The following CLCN7 variants were observed in gnomAD, a reference collection of about 807,000 sequenced individuals.
CLCN7 encodes Cl-/H+ antiporter 7.
CLCN7 carries 60 observed loss-of-function variants against 102.1 expected under a neutral mutation model. The observed-to-expected ratio is 0.59, with a 90% CI of 0.48 to 0.73. The LOEUF is 0.73. CLCN7 is among the 30% of genes least tolerant of loss of function. The pLI is 0.00. For missense variants in CLCN7, 962 were observed against 1,125.7 expected, an observed-to-expected ratio of 0.85 and a Z score of 2.08; for synonymous variants, 560 against 490.5, an observed-to-expected ratio of 1.14 and a Z score of -1.87.
chr16:1,468,256 T>C (rs1399847122), intron 1 of CLCN7, among the ~76,000 whole-genome samples: 1 of 152,062 alleles, frequency 6.6e-6, no homozygotes, highest in Non-Finnish European at 1.5e-5. Flanking sequence ...GCCGGTGCAG[T>C]ATGTGACCAG....
At chr16:1,447,366 C>A in intron 23 of CLCN7, 26 bp downstream of exon 23, 3 of 1,537,812 alleles carry the variant, frequency 2.0e-6, no homozygotes, top group Non-Finnish European at 2.6e-6. Flanking sequence ...CCAGGCCCCA[C>A]GCCCATGCCC....
At chr16:1,474,765 C>T in intron 1 of CLCN7, 69 bp downstream of exon 1, 1 of 1,202,402 alleles carries the variant, frequency 8.3e-7, no homozygotes, top group South Asian at 3.1e-5. Flanking sequence ...CGCCAGAAGG[C>T]TCACGAGGGC....
In CLCN7 at chr16:1,474,793, C is replaced by A. The variant is rs1027392652; in HGVS notation, c.141+41G>T. ...ACGAGGGCGCGGGCTGCGGGGCGCA[C>A]GAGGGCTCAGTTTCCCCGCCTGCGC... On this transcript the variant is annotated intron_variant, in intron 1 of 24. Coordinates refer to ENST00000382745, the MANE Select transcript of CLCN7 (RefSeq NM_001287.6). 13 of 1,278,072 alleles carry A rather than the reference C, an allele frequency of 1.0e-5. No homozygotes were observed. The African/African-American group carries it at 1.4e-4, about 14-fold the overall frequency. 79.2% of individuals were successfully genotyped at this position (1,278,072 alleles called of 1,614,324 possible).
intron 11 of CLCN7, 78 bp from the exon 12 acceptor site, chr16:1,455,328 G>A (rs772282528): frequency 1.6e-5 from 15 of 951,776 alleles, no homozygotes; most frequent in African/African-American, 3.2e-5. Context: ...AGGGACCATC[G>A]CCCCTCCTGT....
Position 1,451,625 on chromosome 16 carries a change from G to T in CLCN7, c.1445C>A (p.Pro482Gln). Residue 482 changes from proline to glutamine, a missense_variant and splice_region_variant, in exon 16 of 25, where the codon CCA (proline) becomes CAA (glutamine). This residue lies in a region of CLCN7 where 799 missense variants were observed against 988.0 expected (regional missense o/e 0.81). Transcript: ENST00000382745. The stretch of plus-strand genomic sequence containing the variant: ...CCAGCGGCACTGCCCACACACACCT[G>T]GCGGGTCGTGGAAGAGGCTCACCAC... ...KSVVSLFHDP[P>Q]GSYNPLTLGL... 6.2e-7 allele frequency: 1 copy of T among 1,611,320 alleles called. No homozygotes were observed. Among genetic ancestry groups the T allele is most frequent in the Non-Finnish European group, 8.5e-7 (1 of 1,179,748 alleles).
At chr16:1,460,157 G>C (rs1242251532) in intron 6 of CLCN7, among the ~76,000 whole-genome samples, 1 of 151,990 alleles carries the variant, frequency 6.6e-6, no homozygotes, top group East Asian at 1.9e-4. Flanking sequence ...TGAGGAGATG[G>C]AAGGAGGGGC....
In CLCN7 at chr16:1,468,047, C is replaced by T. The variant is rs112149800; in HGVS notation, c.142-2709G>A. The stretch of plus-strand genomic sequence containing the variant: ...ACAGTGAGCTATGGTTGCACCACTG[C>T]GCTCCAGCCTGGGCAACACGGCAAG... On this transcript the variant is annotated intron_variant, in intron 1 of 24. Transcript: ENST00000382745. Among the ~76,000 whole-genome samples, 1,132 of 152,140 alleles carry T rather than the reference C, an allele frequency of 7.4e-3. 19 individuals carry two copies. The highest frequency in any genetic ancestry group is 0.026 in the African/African-American group (1,068 of 41,502).
rs535980663 is a variant in CLCN7, at chr16:1,455,823, C to A, written c.917-28G>T. On this transcript the variant is annotated intron_variant, in intron 10 of 24. Transcript: ENST00000382745. ...GGAAGGCAGGCGGCCGGCTCGGGTG[C>A]CAGCTGGACACAGGGCACCATGCCC... 36 of 1,610,938 alleles carry A rather than the reference C, an allele frequency of 2.2e-5. 2 individuals carry two copies. In the South Asian group the frequency reaches 3.8e-4, roughly 17 times the overall value.
intron 13 of CLCN7, among the ~76,000 whole-genome samples, 156 bp downstream of exon 13, chr16:1,454,255 C>T (rs1260676184): frequency 1.3e-5 from 2 of 152,258 alleles, no homozygotes; most frequent in Non-Finnish European, 2.9e-5. Context: ...CCACTCCCCA[C>T]GTGTACTGCC....
At chr16:1,456,654 C>A (rs1370908939) in intron 9 of CLCN7, among the ~76,000 whole-genome samples, 1 of 152,130 alleles carries the variant, frequency 6.6e-6, no homozygotes, top group Non-Finnish European at 1.5e-5. Flanking sequence ...GCCCGGCCAA[C>A]ATGGCAAAAC....
intron 1 of CLCN7, among the ~76,000 whole-genome samples, 187 bp downstream of exon 1, chr16:1,474,647 A>C (rs2039126089): frequency 6.6e-6 from 1 of 150,660 alleles, no homozygotes; most frequent in African/African-American, 2.4e-5. Flanking sequence ...GCCTCCGAAG[A>C]CTCCAGACCC....
intron 13 of CLCN7, 133 bp downstream of exon 13, chr16:1,454,278 T>G (rs890830406): frequency 2.3e-6 from 2 of 863,940 alleles, no homozygotes; most frequent in Admixed American, 3.9e-5. Context: ...TGGAAGAATC[T>G]GGAGGCCCCC....
At chr16:1,465,117 T>A in intron 2 of CLCN7, 150 bp downstream of exon 2, 1 of 732,214 alleles carries the variant, frequency 1.4e-6, no homozygotes, top group South Asian at 1.5e-5. Flanking sequence ...TCACTTGGCG[T>A]CAGGGACCAT....
chr16:1,446,999 C>G lies in CLCN7; in HGVS notation c.2331+7G>C, dbSNP rs199721463. The stretch of plus-strand genomic sequence containing the variant: ...GGCATGCCTGCACCCCCACCGCCCC[C>G]GCTCACCTGATTGCGGTTGTCCACC... On this transcript the variant is annotated splice_region_variant and intron_variant, in intron 24 of 24. Transcript: ENST00000382745. The G allele has an allele frequency of 3.8e-6, 6 of 1,579,760 alleles. No homozygotes were observed. Among genetic ancestry groups the G allele is most frequent in the Non-Finnish European group, 5.1e-6 (6 of 1,167,402 alleles).
chr16:1,465,489 G>C (rs1030152722), intron 1 of CLCN7, 151 bp from the exon 2 acceptor site: 3 of 738,776 alleles, frequency 4.1e-6, no homozygotes, highest in African/African-American at 3.5e-5. Context: ...GGTGGGGGCA[G>C]CAGGGCTGGG....
intron 13 of CLCN7, 26 bp downstream of exon 13, chr16:1,454,385 C>A (rs1326282590): frequency 6.2e-7 from 1 of 1,611,524 alleles, no homozygotes; most frequent in Non-Finnish European, 8.5e-7. Flanking sequence ...GCAGGCCGTC[C>A]CTGCGGTGCT....
intron 1 of CLCN7, among the ~76,000 whole-genome samples, chr16:1,473,796 C>T (rs1301666201): frequency 6.6e-6 from 1 of 152,048 alleles, no homozygotes; most frequent in Non-Finnish European, 1.5e-5. Flanking sequence ...AAAAGTAACA[C>T]AATACGGCCA....
In CLCN7 at chr16:1,455,785, C is replaced by T. The variant is rs184089655; in HGVS notation, c.927G>A (p.Leu309=). Residue 309 remains leucine (L), a synonymous_variant, in exon 11 of 25, where the codon CTG becomes CTA. Transcript: ENST00000382745. ...AGGACGCACCCTCCTCCAAGCTGAACAGGACCCCACCTGGAAGGCAGGCGG... is the reference window on the plus strand; with the variant it reads ...AGGACGCACCCTCCTCCAAGCTGAATAGGACCCCACCTGGAAGGCAGGCGG... ...AAFGAPVGGV[L]FSLEEGASFW... 13 of 1,613,602 alleles carry T rather than the reference C, an allele frequency of 8.1e-6. No individual in the cohort carries two copies. In the East Asian group the frequency reaches 1.8e-4, roughly 22 times the overall value.
chr16:1,463,991 T>C (rs1040829003), intron 2 of CLCN7, among the ~76,000 whole-genome samples: 3 of 152,174 alleles, frequency 2.0e-5, no homozygotes, highest in African/African-American at 4.8e-5. Flanking sequence ...ATCAGGCTGA[T>C]CTTGAACTCC....
Sources: gnomAD v4.1 joint callset for allele counts (sites outside exome capture counted in the v4.1 genomes callset) on GRCh38, gnomAD v4.1.1 for gene constraint, gnomAD v4.1.1 regional missense constraint, MANE v1.5 for transcripts, NCBI Gene and HGNC (gene_info 2026-07-23, HGNC 2026-07-21) for gene names.